The following NOMO2 variants were observed in gnomAD, a reference collection of about 807,000 sequenced individuals.
NOMO2 encodes the protein NODAL modulator 2.
A neutral mutation model predicts 67.1 loss-of-function variants in NOMO2; 14 were observed. That is an observed-to-expected ratio of 0.21 (90% CI 0.14 to 0.33). The LOEUF is 0.33. Among genes scored for constraint, NOMO2 ranks in the 10% least tolerant of loss-of-function variants. NOMO2 has a pLI of 1.00. For synonymous variants in NOMO2, 80 were observed against 305.9 expected, an observed-to-expected ratio of 0.26 and a Z score of 7.71; for missense variants, 178 against 761.0, an observed-to-expected ratio of 0.23 and a Z score of 9.01.
At chr16:18,534,080 G>A (rs1170040382) in intron 11 of NOMO2, among the ~76,000 whole-genome samples, 1 of 151,910 alleles carries the variant, frequency 6.6e-6, no homozygotes, top group Non-Finnish European at 1.5e-5. Context: ...ACAATTAGGG[G>A]TACATTAAAT....
intron 12 of NOMO2, 62 bp from the exon 13 acceptor site, chr16:18,531,669 A>C (rs1901305919): frequency 6.2e-7 from 1 of 1,606,812 alleles, no homozygotes; most frequent in Non-Finnish European, 8.5e-7. Flanking sequence ...CCTGACCTAC[A>C]GGGCGCTAGA....
intron 6 of NOMO2, among the ~76,000 whole-genome samples, chr16:18,544,876 A>G (rs1303069671): frequency 2.6e-5 from 4 of 151,910 alleles, no homozygotes; most frequent in Non-Finnish European, 5.9e-5. Context: ...TGGTTACCCA[A>G]CAGAAGAGCA....
At chr16:18,530,754 AC>A (rs1901277504) in intron 14 of NOMO2, among the ~76,000 whole-genome samples, 1 of 115,628 alleles carries the variant, frequency 8.6e-6, no homozygotes, top group African/African-American at 3.0e-5. Context: ...GAACTATTTC[AC>A]ACTCCTTTCT....
rs188469833 is a variant in NOMO2 at position 18,536,876 on chromosome 16, G to A, written c.1220+1650C>T. On this transcript the variant is annotated intron_variant, in intron 11 of 30. Transcript: ENST00000622306. ...ATTCACCACTGGACTCCTTGACCTC[G>A]ACCTCCATCTGTCTACAGAAGAGTC... is the stretch of plus-strand genomic sequence containing the variant. 6.0e-3 allele frequency among the ~76,000 whole-genome samples: 908 copies of A among 151,996 alleles called. 9 individuals are homozygous for A. The highest frequency in any genetic ancestry group is 8.7e-3 in the Non-Finnish European group (588 of 67,972).
At chr16:18,556,766 G>A (rs1247732497) in intron 2 of NOMO2, among the ~76,000 whole-genome samples, 1 of 152,032 alleles carries the variant, frequency 6.6e-6, no homozygotes. Flanking sequence ...GTATACATAT[G>A]CATGTGTACC....
intron 9 of NOMO2, 75 bp from the exon 10 acceptor site, chr16:18,539,039 G>A (rs1250364976): frequency 9.3e-5 from 98 of 1,054,186 alleles, no homozygotes; most frequent in Middle Eastern, 2.0e-4. Flanking sequence ...CTTCTGCTGC[G>A]CCGGCCACCA....
chr16:18,550,868 G>A (rs1262273071), intron 4 of NOMO2, among the ~76,000 whole-genome samples: 5 of 151,952 alleles, frequency 3.3e-5, no homozygotes, highest in East Asian at 3.9e-4. Context: ...TGACATAAAC[G>A]CTAACAGCGG....
chr16:18,559,118 G>C (rs1262537596), intron 1 of NOMO2, among the ~76,000 whole-genome samples: 1 of 151,780 alleles, frequency 6.6e-6, no homozygotes, highest in Non-Finnish European at 1.5e-5. Context: ...AGCTATGATG[G>C]TGCCACTATA....
At chr16:18,548,254 TA>T (rs1447319530) in intron 5 of NOMO2, among the ~76,000 whole-genome samples, 1 of 150,584 alleles carries the variant, frequency 6.6e-6, no homozygotes, top group African/African-American at 2.4e-5. Context: ...TTTTTTCTAG[TA>T]AGGTCAACAC....
rs545310702 is a variant in NOMO2, at chr16:18,550,546, A to G, written c.402+893T>C. 1.3e-4 allele frequency among the ~76,000 whole-genome samples: 19 copies of G among 151,968 alleles called. No individual in the cohort carries two copies. The East Asian group carries it at 3.5e-3, about 28-fold the overall frequency. On this transcript the variant is annotated intron_variant, in intron 4 of 30. Transcript: ENST00000622306. The stretch of plus-strand genomic sequence containing the variant: ...GAGGAGAAAGAAGTCCATCATGAAG[A>G]GAAGGACAGGAAGGAAGGAAGCACA...
In NOMO2 at chr16:18,538,962, G is replaced by C. The variant is rs1260337059; in HGVS notation, c.966C>G (p.Pro322=). ...CGGAGAATCCCATGACGTGGAACAC[G>C]GGCTAGAAAACAAAGAACAAGAAGA... ...TVEHDSLKIE[P]VFHVMGFSVT... Residue 322 remains proline (P), a splice_region_variant and synonymous_variant, in exon 10 of 31, where the codon CCC becomes CCG. Coordinates refer to ENST00000622306, the MANE Select transcript of NOMO2 (RefSeq NM_173614.4). 1.3e-6 allele frequency: 2 copies of C among 1,567,638 alleles called. No individual in the cohort carries two copies. Among genetic ancestry groups the C allele is most frequent in the Non-Finnish European group, 1.8e-6 (2 of 1,139,012 alleles).
intron 14 of NOMO2, among the ~76,000 whole-genome samples, chr16:18,530,117 C>CAA (rs1376927430): frequency 1.1e-5 from 1 of 94,376 alleles, no homozygotes; most frequent in African/African-American, 3.8e-5. Context: ...GGCTAAATTT[C>CAA]AAAAAAAAAG....
rs1393506352 is a variant in NOMO2 at position 18,536,245 on chromosome 16, G to A, written c.1220+2281C>T. On this transcript the variant is annotated intron_variant, in intron 11 of 30. Coordinates refer to ENST00000622306, the MANE Select transcript of NOMO2 (RefSeq NM_173614.4). Reference sequence around the variant, plus strand: ...TTCAGGTCCTTCCTATCCTATGCAGGCCTCTGAGCATGCTGCTTCTCTACT... The same window carrying A: ...TTCAGGTCCTTCCTATCCTATGCAGACCTCTGAGCATGCTGCTTCTCTACT... Among the ~76,000 whole-genome samples, 3 of 152,092 alleles carry A rather than the reference G, an allele frequency of 2.0e-5. No homozygotes were observed. The South Asian group carries it at 6.2e-4, about 32-fold the overall frequency.
intron 9 of NOMO2, among the ~76,000 whole-genome samples, chr16:18,539,522 C>T (rs543089892): frequency 2.0e-5 from 3 of 151,798 alleles, no homozygotes; most frequent in East Asian, 3.9e-4. Context: ...TTTGGGAGGC[C>T]GAGGCAGGCA....
intron 14 of NOMO2, among the ~76,000 whole-genome samples, chr16:18,530,820 C>T (rs1222741917): frequency 7.9e-5 from 7 of 89,116 alleles, no homozygotes; most frequent in Admixed American, 2.6e-4. Context: ...TAACAGAAGC[C>T]GCCAGTGGGC....
chr16:18,544,371 T>G (rs1901619696), intron 6 of NOMO2, among the ~76,000 whole-genome samples: 1 of 151,954 alleles, frequency 6.6e-6, no homozygotes, highest in Admixed American at 6.6e-5. Flanking sequence ...ATATTTTGCC[T>G]TTTTTTCTAT....
chr16:18,557,019 C>T (rs900381558), intron 2 of NOMO2, among the ~76,000 whole-genome samples: 5 of 151,730 alleles, frequency 3.3e-5, no homozygotes, highest in African/African-American at 7.3e-5. Flanking sequence ...CCCAGCTATT[C>T]GGGAGGCCTA....
At chr16:18,540,408 G>A (rs1343351635) in intron 9 of NOMO2, among the ~76,000 whole-genome samples, 6 of 151,854 alleles carry the variant, frequency 4.0e-5, no homozygotes, top group Admixed American at 1.3e-4. Flanking sequence ...AATAAGACAC[G>A]GTACCTGACC....
intron 11 of NOMO2, 109 bp from the exon 12 acceptor site, chr16:18,533,288 A>C: frequency 9.4e-6 from 11 of 1,170,286 alleles, no homozygotes; most frequent in Non-Finnish European, 1.4e-5. Context: ...TCCTGAGAAT[A>C]GTCTAATCTT....
Sources: gnomAD v4.1 joint callset for allele counts (sites outside exome capture counted in the v4.1 genomes callset) on GRCh38, gnomAD v4.1.1 for gene constraint, MANE v1.5 for transcripts, NCBI Gene and HGNC (gene_info 2026-07-23, HGNC 2026-07-21) for gene names.